RADIL: variants seen among roughly 807,000 people sequenced by gnomAD.
RADIL encodes the protein Rap associating with DIL domain.
In RADIL, 99 loss-of-function variants were observed where a neutral mutation model predicts 97.6. That is an observed-to-expected ratio of 1.01 (90% confidence interval 0.86 to 1.20). RADIL has a LOEUF of 1.20. Among genes scored for constraint, RADIL ranks in the 50% most tolerant of loss-of-function variants. The pLI is 0.00. For missense variants in RADIL, 1,765 were observed against 1,498.9 expected (o/e 1.18, Z -2.93); for synonymous variants, 803 against 691.8 (o/e 1.16, Z -2.52).
At chr7:4,861,625 C>T in intron 2 of RADIL, 2 of 1,611,574 alleles carry the variant, frequency 1.2e-6, no homozygotes, top group South Asian at 1.1e-5. Context: ...AAACTAAAAT[C>T]CTGCGCTGCA....
Position 4,879,733 on chromosome 7 carries a change from G to T in RADIL, c.-64-1530C>A, listed in dbSNP as rs1405984237. Among the ~76,000 whole-genome samples the T allele has an allele frequency of 6.6e-6, 1 of 152,188 alleles. No individual in the cohort carries two copies. The highest frequency in any genetic ancestry group is 1.5e-5 in the Non-Finnish European group (1 of 68,036). On this transcript the variant is annotated intron_variant, in intron 1 of 14. Coordinates refer to ENST00000399583, the MANE Select transcript of RADIL (RefSeq NM_018059.5). The surrounding 1 kb of genome is among the most constrained non-coding windows in gnomAD (Gnocchi z 4.1). ...AACCAGGGAACCCCTCCAAAGAAAA[G>T]GAGCCACACTGTCCCTTAGGAAACT...
chr7:4,844,617 T>G (rs1053169498), intron 2 of RADIL, among the ~76,000 whole-genome samples: 1 of 152,124 alleles, frequency 6.6e-6, no homozygotes, highest in Non-Finnish European at 1.5e-5. Flanking sequence ...TTTTGTTTTG[T>G]TTTTGAGAGA....
In RADIL at chr7:4,799,247, G is replaced by C. The variant is rs774643878; in HGVS notation, c.*131C>G. Reference sequence around the variant, plus strand: ...TGAGATGCATGTTATCAACAGGCATGTCCCCAGGGTGAGGCTCCCCACCCG... The same window carrying C: ...TGAGATGCATGTTATCAACAGGCATCTCCCCAGGGTGAGGCTCCCCACCCG... On this transcript the variant is annotated 3_prime_UTR_variant, in exon 15 of 15. Coordinates refer to ENST00000399583, the MANE Select transcript of RADIL (RefSeq NM_018059.5). 4 of 716,902 alleles carry C rather than the reference G, an allele frequency of 5.6e-6. No homozygotes were observed. Among genetic ancestry groups the C allele is most frequent in the South Asian group, 3.4e-5 (2 of 58,810 alleles). The allele number at this position is 716,902 out of a possible 1,614,324, so 44.4% of individuals were successfully genotyped here.
Position 4,805,598 on chromosome 7 carries a change from C to T in RADIL, c.2258G>A (p.Gly753Glu). 6.2e-7 allele frequency: 1 copy of T among 1,611,490 alleles called. No individual in the cohort carries two copies. The highest frequency in any genetic ancestry group is 8.5e-7 in the Non-Finnish European group (1 of 1,179,464). Residue 753 changes from glycine to glutamate, a missense_variant, in exon 10 of 15, where the codon GGG (glycine) becomes GAG (glutamate). Gly to Glu is a moderately conservative substitution (Grantham distance 98, BLOSUM62 -2). Coordinates refer to ENST00000399583, the MANE Select transcript of RADIL (RefSeq NM_018059.5). ...GAAGGCCTCGGGGCTGTCCTGGGCC[C>T]CTGGCTCCCAGGTGCTCATGGGGCC... ...AMGPMSTWEPGAQDSPEAFRS... is the reference protein window; with the variant it reads ...AMGPMSTWEPEAQDSPEAFRS...
At chr7:4,809,901 G>A (rs1782490229) in intron 9 of RADIL, among the ~76,000 whole-genome samples, 1 of 152,146 alleles carries the variant, frequency 6.6e-6, no homozygotes, top group Non-Finnish European at 1.5e-5. Context: ...CACCCAGGCT[G>A]GAGTGTGGTG....
rs117233802 is a variant in RADIL at position 4,804,358 on chromosome 7, C to T, written c.2291-604G>A. On this transcript the variant is annotated intron_variant, in intron 10 of 14. Coordinates refer to ENST00000399583, the MANE Select transcript of RADIL (RefSeq NM_018059.5). ...AGGGTTCCTGTTCAGAGATGTTCTCCACGGTGACCCGGGGCTGCGGGGGGG... is the reference window on the plus strand; with the variant it reads ...AGGGTTCCTGTTCAGAGATGTTCTCTACGGTGACCCGGGGCTGCGGGGGGG... 1.6e-3 allele frequency among the ~76,000 whole-genome samples: 245 copies of T among 152,340 alleles called. 8 individuals carry two copies. The East Asian group carries it at 0.041, about 25-fold the overall frequency.
Position 4,880,917 on chromosome 7 carries a change from C to A in RADIL, c.-65+2679G>T, listed in dbSNP as rs1260282103. On this transcript the variant is annotated intron_variant, in intron 1 of 14. Transcript: ENST00000399583. This position sits in a 1 kb window ranked among gnomAD's most constrained non-coding sequence, Gnocchi z 4.5. ...TTCAAGACTAGCCTGGGCAACATAA[C>A]AAGATCCCAATCTCTACAGAAAATA... Among the ~76,000 whole-genome samples, 1 of 152,064 alleles carries A rather than the reference C, an allele frequency of 6.6e-6. No individual in the cohort carries two copies. The highest frequency in any genetic ancestry group is 2.4e-5 in the African/African-American group (1 of 41,392).
intron 12 of RADIL, 88 bp from the exon 13 acceptor site, chr7:4,800,398 G>C: frequency 7.5e-7 from 1 of 1,330,392 alleles, no homozygotes; most frequent in Non-Finnish European, 9.8e-7. Context: ...TGCCTCTGTA[G>C]GGCGTCAGGG....
In RADIL at chr7:4,832,129, G is replaced by A. The variant is rs761071855; in HGVS notation, c.1454+12C>T. 2.2e-5 allele frequency: 35 copies of A among 1,606,454 alleles called. No homozygotes were observed. Among genetic ancestry groups the A allele is most frequent in the Non-Finnish European group, 3.0e-5 (35 of 1,174,978 alleles). On this transcript the variant is annotated intron_variant, in intron 5 of 14. Coordinates refer to ENST00000399583, the MANE Select transcript of RADIL (RefSeq NM_018059.5). ...TGCCCAGAGGCGGGCACAATAACCG[G>A]GTCATACTCACAGTTGCGCCTGCTT... is the stretch of plus-strand genomic sequence containing the variant.
Position 4,874,103 on chromosome 7 carries a change from C to T in RADIL, c.535+3502G>A, listed in dbSNP as rs537070455. ...GCCAGCAGGAGAGACCTCTCAGAGG[C>T]GGGTTCCAGGGATGTGCACAGAGGC... is the stretch of plus-strand genomic sequence containing the variant. On this transcript the variant is annotated intron_variant, in intron 2 of 14. Coordinates refer to ENST00000399583, the MANE Select transcript of RADIL (RefSeq NM_018059.5). Among the ~76,000 whole-genome samples the T allele has an allele frequency of 5.3e-5, 8 of 152,336 alleles. No homozygotes were observed. In the South Asian group the frequency reaches 1.2e-3, roughly 24 times the overall value.
chr7:4,862,078 C>T (rs1231697936), intron 2 of RADIL: 4 of 369,158 alleles, frequency 1.1e-5, no homozygotes, highest in Admixed American at 4.5e-5. Flanking sequence ...CGCGAGGGCT[C>T]ACGGGAGCCA....
chr7:4,853,640 G>A (rs938072936), intron 2 of RADIL, among the ~76,000 whole-genome samples: 1 of 151,556 alleles, frequency 6.6e-6, no homozygotes, highest in Non-Finnish European at 1.5e-5. Context: ...TACTTGGGAG[G>A]CTGAGGCAGG....
intron 2 of RADIL, among the ~76,000 whole-genome samples, chr7:4,852,254 A>G (rs2115022069): frequency 6.6e-6 from 1 of 152,302 alleles, no homozygotes; most frequent in East Asian, 1.9e-4. Flanking sequence ...CCGTCCATGC[A>G]GAGGGAAAGA....
rs537606016 is a variant in RADIL, at chr7:4,819,759, C to A, written c.1616-2408G>T. ...GGCTGACGGGGCTCTGCCCCTCCGG[C>A]CCCTTCTAGGGGCTATTTCCCACTC... On this transcript the variant is annotated intron_variant, in intron 6 of 14. Coordinates refer to ENST00000399583, the MANE Select transcript of RADIL (RefSeq NM_018059.5). The surrounding 1 kb of genome is among the most constrained non-coding windows in gnomAD (Gnocchi z 5.8). Among the ~76,000 whole-genome samples, 1 of 152,338 alleles carries A rather than the reference C, an allele frequency of 6.6e-6. No homozygotes were observed. The highest frequency in any genetic ancestry group is 2.1e-4 in the South Asian group (1 of 4,832).
chr7:4,798,674 G>A lies in RADIL; in HGVS notation c.*704C>T, dbSNP rs1049888031. 2 of 152,446 alleles carry A rather than the reference G, an allele frequency of 1.3e-5. No individual in the cohort carries two copies. The highest frequency in any genetic ancestry group is 4.8e-5 in the African/African-American group (2 of 41,474). The allele number at this position is 152,446 out of a possible 1,614,324, so 9.4% of individuals were successfully genotyped here. ...GAGGATTAAGGGCCTGGGGCCGCCA[G>A]CCTGGTATCAGGGCCACGCTGGTGG... On this transcript the variant is annotated 3_prime_UTR_variant, in exon 15 of 15. Transcript: ENST00000399583.
In RADIL at chr7:4,835,057, C is replaced by A. The variant is rs1177565425; in HGVS notation, c.966G>T (p.Gly322=). The change falls in exon 4 of 15, where the codon GGG becomes GGT. Residue 322 remains glycine (G), a synonymous_variant. Coordinates refer to ENST00000399583, the MANE Select transcript of RADIL (RefSeq NM_018059.5). The surrounding 1 kb of genome is among the most constrained non-coding windows in gnomAD (Gnocchi z 5.8). ...AGRLVLEPIP[G]AHISVNFSEV... Reference sequence around the variant, plus strand: ...CGGAGAAGTTGACGGAGATGTGCGCCCCGGGGATGGGCTCCAGGACCAGCC... The same window carrying A: ...CGGAGAAGTTGACGGAGATGTGCGCACCGGGGATGGGCTCCAGGACCAGCC... The A allele has an allele frequency of 1.2e-6, 2 of 1,608,496 alleles. No individual in the cohort carries two copies. The highest frequency in any genetic ancestry group is 1.7e-6 in the Non-Finnish European group (2 of 1,178,034).
chr7:4,801,455 G>A (rs566860067), intron 12 of RADIL, among the ~76,000 whole-genome samples, 198 bp downstream of exon 12: 53 of 152,348 alleles, frequency 3.5e-4, no homozygotes, highest in African/African-American at 1.2e-3. Context: ...GTCAGCGACT[G>A]AGCGACCGTG....
chr7:4,817,383 A>G lies in RADIL; in HGVS notation c.1616-32T>C, dbSNP rs373060406. 7.0e-5 allele frequency: 111 copies of G among 1,589,928 alleles called. 1 individual carries two copies. In the African/African-American group the frequency reaches 9.4e-4, roughly 13 times the overall value. On this transcript the variant is annotated intron_variant, in intron 6 of 14. Coordinates refer to ENST00000399583, the MANE Select transcript of RADIL (RefSeq NM_018059.5). This position sits in a 1 kb window ranked among gnomAD's most constrained non-coding sequence, Gnocchi z 8.3. ...GGAGACAGCCACGCCAATGGTCACA[A>G]CGGGCACAGCGCTCAGGAACGCAGC... is the stretch of plus-strand genomic sequence containing the variant.
At chr7:4,830,043 C>A (rs1402384588) in intron 5 of RADIL, among the ~76,000 whole-genome samples, 1 of 152,180 alleles carries the variant, frequency 6.6e-6, no homozygotes, top group Non-Finnish European at 1.5e-5. Context: ...CACTGCCTAG[C>A]GTGGCCACCA....
Sources: gnomAD v4.1 joint callset for allele counts (sites outside exome capture counted in the v4.1 genomes callset) on GRCh38, gnomAD v4.1.1 for gene constraint, Gnocchi (gnomAD v3.1) non-coding constraint, MANE v1.5 for transcripts, NCBI Gene and HGNC (gene_info 2026-07-23, HGNC 2026-07-21) for gene names.